AUTS2: variants seen among roughly 807,000 people sequenced by gnomAD.
AUTS2 encodes autism susceptibility gene 2 protein.
AUTS2 carries 17 observed loss-of-function variants against 112.4 expected under a neutral mutation model. The ratio of observed to expected loss-of-function variants is 0.15; its 90% CI spans 0.10 to 0.23. The LOEUF (loss-of-function observed/expected upper bound fraction) is 0.23, where lower values mean the gene tolerates loss of function less well. Ranked by LOEUF, AUTS2 falls within the 10% of genes least tolerant of loss-of-function variation. The probability of loss-of-function intolerance (pLI) is 1.00; values close to 1 mark genes in which losing one functional copy is unlikely to be tolerated. For synonymous variants in AUTS2, 751 were observed against 702.7 expected, an observed-to-expected ratio of 1.07 and a Z score of -1.09; for missense variants, 1,510 against 1,701.6, an observed-to-expected ratio of 0.89 and a Z score of 1.98.
chr7:70,262,442 C>T (rs10258962), intron 4 of AUTS2, among the ~76,000 whole-genome samples: 3 of 151,918 alleles, frequency 2.0e-5, no homozygotes, highest in Non-Finnish European at 2.9e-5. Context: ...CACCCCCCTC[C>T]GCCTTTTAAA....
chr7:70,110,700 G>A (rs181487395), intron 2 of AUTS2, among the ~76,000 whole-genome samples: 17 of 151,962 alleles, frequency 1.1e-4, no homozygotes, highest in Admixed American at 1.1e-3. Flanking sequence ...TGCCTAAAGT[G>A]TTTATTGGGA....
chr7:70,337,651 T>A (rs1351469121), intron 4 of AUTS2, among the ~76,000 whole-genome samples: 1 of 152,260 alleles, frequency 6.6e-6, no homozygotes. Context: ...ACAGGTTTTA[T>A]GAAACCTTTC....
intron 5 of AUTS2, among the ~76,000 whole-genome samples, chr7:70,591,459 T>G (rs1286299874): frequency 2.0e-5 from 3 of 152,126 alleles, no homozygotes; most frequent in African/African-American, 7.2e-5. Flanking sequence ...AGTGCAGTGG[T>G]GCTATCTCAG....
intron 4 of AUTS2, among the ~76,000 whole-genome samples, chr7:70,245,141 T>A (rs1562816986): frequency 1.6e-5 from 1 of 62,774 alleles, no homozygotes; most frequent in East Asian, 4.4e-4. Flanking sequence ...AAAGTGTGTG[T>A]GTGTATATAT....
At chr7:70,216,797 A>G (rs547730094) in intron 4 of AUTS2, among the ~76,000 whole-genome samples, 2 of 152,254 alleles carry the variant, frequency 1.3e-5, no homozygotes, top group South Asian at 4.2e-4. Context: ...TCATGATCTT[A>G]CTTTCCCAGT....
At chr7:70,060,475 G>C (rs1304592432) in intron 2 of AUTS2, among the ~76,000 whole-genome samples, 2 of 152,158 alleles carry the variant, frequency 1.3e-5, no homozygotes, top group Non-Finnish European at 2.9e-5. Context: ...TTGTAAGCGA[G>C]AAAGACTAAT....
chr7:70,688,534 A>G (rs1475203295), intron 5 of AUTS2, among the ~76,000 whole-genome samples: 2 of 152,220 alleles, frequency 1.3e-5, no homozygotes, highest in South Asian at 2.1e-4. Flanking sequence ...ATAAACAAAA[A>G]AAACAAATCA....
At chr7:69,742,525 G>A (rs1055641633) in intron 1 of AUTS2, among the ~76,000 whole-genome samples, 1 of 152,124 alleles carries the variant, frequency 6.6e-6, no homozygotes, top group African/African-American at 2.4e-5. Context: ...TGGTTGGGAT[G>A]TCCATACTTT....
At chr7:70,262,570 T>C (rs1299108922) in intron 4 of AUTS2, among the ~76,000 whole-genome samples, 2 of 152,252 alleles carry the variant, frequency 1.3e-5, no homozygotes, top group Non-Finnish European at 2.9e-5. Context: ...GAAGTATGGC[T>C]GAATCTTCAA....
At chr7:69,624,979 T>C (rs904901211) in intron 1 of AUTS2, among the ~76,000 whole-genome samples, 27 of 124,676 alleles carry the variant, frequency 2.2e-4, no homozygotes, top group Non-Finnish European at 1.6e-4. Flanking sequence ...TTCTCAAAGG[T>C]GCCAGTAACA....
At position 70,489,278 on chromosome 7, in the gene AUTS2, T is replaced by C. The variant is rs17141692; in HGVS notation, c.690+53497T>C. Among the ~76,000 whole-genome samples the C allele has an allele frequency of 0.016, 2,379 of 152,332 alleles. 172 individuals are homozygous for C. The East Asian group carries it at 0.25, about 16-fold the overall frequency. ...TAGAAAAGGAACAACTGGATGAATG[T>C]CATGGATTAACAATGGAAGCATATT... On this transcript the variant is annotated intron_variant, in intron 5 of 18. Transcript: ENST00000342771.
chr7:70,611,150 G>A (rs377560045), intron 5 of AUTS2, among the ~76,000 whole-genome samples: 7 of 152,126 alleles, frequency 4.6e-5, no homozygotes, highest in African/African-American at 1.7e-4. Flanking sequence ...TCTTTCACAC[G>A]GTGTGAGATA....
intron 5 of AUTS2, among the ~76,000 whole-genome samples, chr7:70,626,736 G>A (rs922170852): frequency 4.6e-5 from 7 of 152,212 alleles, no homozygotes; most frequent in Middle Eastern, 3.4e-3. Flanking sequence ...CCAGTGGTTA[G>A]CCCCCACTTA....
intron 1 of AUTS2, among the ~76,000 whole-genome samples, chr7:69,858,864 C>A (rs1792851761): frequency 6.6e-6 from 1 of 152,174 alleles, no homozygotes; most frequent in Non-Finnish European, 1.5e-5. Flanking sequence ...GAGACTGAGT[C>A]TTGGATTTAC....
chr7:69,676,252 C>A (rs544821895), intron 1 of AUTS2, among the ~76,000 whole-genome samples: 26 of 152,282 alleles, frequency 1.7e-4, no homozygotes, highest in Middle Eastern at 3.4e-3. Flanking sequence ...TAGTTGTAGA[C>A]CCTTAGGTAT....
rs573488681 is a variant in AUTS2 at position 69,691,652 on chromosome 7, G to A, written c.309+91690G>A. On this transcript the variant is annotated intron_variant, in intron 1 of 18. Coordinates refer to ENST00000342771, the MANE Select transcript of AUTS2 (RefSeq NM_015570.4). ...CCAAGCCTATGGGAGTTGGGCCCCC[G>A]AGAACACAGGGATGCCTGGGTCCAG... 2.6e-5 allele frequency among the ~76,000 whole-genome samples: 4 copies of A among 151,894 alleles called. No individual in the cohort carries two copies. In the East Asian group the frequency reaches 7.8e-4, roughly 30 times the overall value.
chr7:69,923,116 G>A (rs2129543063), intron 2 of AUTS2, among the ~76,000 whole-genome samples: 1 of 152,264 alleles, frequency 6.6e-6, no homozygotes, highest in South Asian at 2.1e-4. Context: ...AGGTATACTT[G>A]ACATGAAGTA....
intron 1 of AUTS2, among the ~76,000 whole-genome samples, chr7:69,781,475 A>G (rs1241791092): frequency 6.6e-6 from 1 of 152,208 alleles, no homozygotes; most frequent in African/African-American, 2.4e-5. Flanking sequence ...GGTCCTGTGA[A>G]TCACAGCTTG....
rs546009865 is a variant in AUTS2 at position 70,480,546 on chromosome 7, T to C, written c.690+44765T>C. Among the ~76,000 whole-genome samples, 11 of 152,284 alleles carry C rather than the reference T, an allele frequency of 7.2e-5. No individual in the cohort carries two copies. The South Asian group carries it at 2.3e-3, about 32-fold the overall frequency. ...CAATCCATAAGGGGAATGCACCTGG[T>C]CATCTTTTCCTGAGCATCTTGGGAT... On this transcript the variant is annotated intron_variant, in intron 5 of 18. Coordinates refer to ENST00000342771, the MANE Select transcript of AUTS2 (RefSeq NM_015570.4).
Sources: allele counts gnomAD v4.1 joint callset (sites outside exome capture counted in the v4.1 genomes callset), GRCh38; gene constraint gnomAD v4.1.1; transcripts MANE v1.5; gene names NCBI Gene and HGNC (gene_info 2026-07-23, HGNC 2026-07-21).